CDKL4: variants seen among roughly 807,000 people sequenced by gnomAD.
CDKL4 encodes the protein cyclin dependent kinase like 4.
A neutral mutation model predicts 42.0 loss-of-function variants in CDKL4; 44 were observed. That is an observed-to-expected ratio of 1.05 (90% CI 0.82 to 1.35). The LOEUF (loss-of-function observed/expected upper bound fraction) is 1.35, where lower values mean the gene tolerates loss of function less well. Among genes scored for constraint, CDKL4 ranks in the 40% most tolerant of loss-of-function variants. The pLI is 0.00. For synonymous variants in CDKL4, 120 were observed against 121.6 expected, an observed-to-expected ratio of 0.99 and a Z score of 0.09; for missense variants, 393 against 369.9, an observed-to-expected ratio of 1.06 and a Z score of -0.51.
the CDKL4 span, among the ~76,000 whole-genome samples, chr2:39,169,532 TG>T: frequency 6.6e-6 from 1 of 152,260 alleles, no homozygotes; most frequent in African/African-American, 2.4e-5. Flanking sequence ...GAAAGCCTCT[TG>T]TAGTGGGAGA....
intron 9 of CDKL4, chr2:39,178,895 A>T: frequency 6.8e-7 from 1 of 1,461,838 alleles, no homozygotes; most frequent in Middle Eastern, 2.5e-4. Flanking sequence ...TGAAGTTGTT[A>T]TATTATGGGT....
Position 39,179,420 on chromosome 2 carries a change from A to G in CDKL4, c.793-99T>C, listed in dbSNP as rs1487185468. ...AACTTGCTAGGATAAATATGAGTTT[A>G]GAAAATCTTCCAGTTTGTGTATTAT... On this transcript the variant is annotated intron_variant, in intron 8 of 9. Coordinates refer to ENST00000451199, the Ensembl canonical transcript of CDKL4. The G allele has an allele frequency of 4.1e-5, 42 of 1,019,766 alleles. 1 individual carries two copies. In the East Asian group the frequency reaches 9.9e-4, roughly 24 times the overall value. The allele number at this position is 1,019,766 out of a possible 1,614,324, so 63.2% of individuals were successfully genotyped here. A position where few individuals can be genotyped will look rare whatever the true frequency, so the allele number is the denominator to read the frequency against.
At chr2:39,174,138 C>T (rs1293355901), downstream of CDKL4, among the ~76,000 whole-genome samples, 1 of 152,000 alleles carries the variant, frequency 6.6e-6, no homozygotes, top group Non-Finnish European at 1.5e-5. Context: ...GGCGTGTTGG[C>T]GCACTCCCGT....
At chr2:39,180,623 G>A (rs1375069902) in intron 8 of CDKL4, among the ~76,000 whole-genome samples, 1 of 151,908 alleles carries the variant, frequency 6.6e-6, no homozygotes, top group Non-Finnish European at 1.5e-5. Flanking sequence ...AACTCCAGCT[G>A]CTGCTGGAAA....
Position 39,201,331 on chromosome 2 carries a change from C to CA in CDKL4, c.454+3195dup, listed in dbSNP as rs1676832724. ...AAAAAAAAAAAACTACAGATGTTGGCATGGATGTGGTGAAAAGGGAACACT... is the reference window on the plus strand; with the variant it reads ...AAAAAAAAAAAACTACAGATGTTGGCAATGGATGTGGTGAAAAGGGAACACT... On this transcript the variant is annotated intron_variant, in intron 5 of 9. Coordinates refer to ENST00000451199, the Ensembl canonical transcript of CDKL4. 2.0e-5 allele frequency among the ~76,000 whole-genome samples: 3 copies of CA among 149,336 alleles called. No individual in the cohort carries two copies. In the South Asian group the frequency reaches 6.4e-4, roughly 32 times the overall value.
At chr2:39,225,921 A>G (rs1294980649) in exon 3 of CDKL4, 1 of 1,611,706 alleles carries the variant, frequency 6.2e-7, no homozygotes, top group South Asian at 1.1e-5. Flanking sequence ...TTTCTCCTGA[A>G]CACCTCGATG....
chr2:39,193,246 C>A lies in CDKL4; in HGVS notation c.455-2744G>T, dbSNP rs1456954848. Among the ~76,000 whole-genome samples, 4 of 143,500 alleles carry A rather than the reference C, an allele frequency of 2.8e-5. No individual in the cohort carries two copies. In the East Asian group the frequency reaches 8.0e-4, roughly 29 times the overall value. 94.1% of individuals were successfully genotyped at this position (143,500 alleles called of 152,430 possible). Reference sequence around the variant, plus strand: ...CCTAGATATTCGAGACCAGCCTGGGCAGAATGGCGAAATCTCTCTCTGTTA... The same window carrying A: ...CCTAGATATTCGAGACCAGCCTGGGAAGAATGGCGAAATCTCTCTCTGTTA... On this transcript the variant is annotated intron_variant, in intron 5 of 9. Coordinates refer to ENST00000451199, the Ensembl canonical transcript of CDKL4.
intron 1 of CDKL4, among the ~76,000 whole-genome samples, chr2:39,234,441 T>C (rs1456998790): frequency 1.3e-5 from 2 of 151,704 alleles, no homozygotes; most frequent in African/African-American, 4.8e-5. Context: ...GAAAAAAAGG[T>C]AAAAGTTTAG....
chr2:39,193,128 T>TAAA (rs747083150), intron 5 of CDKL4, among the ~76,000 whole-genome samples: 1 of 83,492 alleles, frequency 1.2e-5, no homozygotes, highest in African/African-American at 4.6e-5. Flanking sequence ...ACTCCATCTC[T>TAAA]AAAAAAAAAA....
intron 5 of CDKL4, among the ~76,000 whole-genome samples, chr2:39,198,260 TAA>T (rs55994878): frequency 6.8e-6 from 1 of 146,592 alleles, no homozygotes; most frequent in African/African-American, 2.5e-5. Flanking sequence ...TATATAATGA[TAA>T]AAAAAAAAAA....
At chr2:39,207,197 G>A (rs573389155) in intron 4 of CDKL4, among the ~76,000 whole-genome samples, 7 of 152,044 alleles carry the variant, frequency 4.6e-5, no homozygotes, top group African/African-American at 9.7e-5. Context: ...ACCAGCCTGG[G>A]CCCAATGGTG....
At chr2:39,230,305 T>C (rs181771037) in intron 1 of CDKL4, among the ~76,000 whole-genome samples, 238 of 152,350 alleles carry the variant, frequency 1.6e-3, no homozygotes, top group Non-Finnish European at 2.6e-3. Context: ...GATTGTGCCA[T>C]TGCACTCCAG....
rs563060533 is a variant in CDKL4, at chr2:39,202,831, T to C, written c.454+1696A>G. ...ACATAATGGGACCCCCTCCTTTGCC[T>C]TTCTCATTATAAATGGCCAACAATG... On this transcript the variant is annotated intron_variant, in intron 5 of 9. Transcript: ENST00000451199. Among the ~76,000 whole-genome samples the C allele has an allele frequency of 2.0e-5, 3 of 152,286 alleles. No homozygotes were observed. In the South Asian group the frequency reaches 6.2e-4, roughly 32 times the overall value.
chr2:39,170,760 G>T (rs935989671), downstream of CDKL4, among the ~76,000 whole-genome samples: 1 of 151,866 alleles, frequency 6.6e-6, no homozygotes, highest in Non-Finnish European at 1.5e-5. Context: ...TGGTCCCCCA[G>T]TTTTTTAAGG....
chr2:39,228,938 G>GGGTGC (rs1678925127), intron 2 of CDKL4, among the ~76,000 whole-genome samples: 1 of 152,174 alleles, frequency 6.6e-6, no homozygotes. Context: ...TAAGAACCTG[G>GGGTGC]GGTGCAGTGC....
the CDKL4 span, among the ~76,000 whole-genome samples, chr2:39,168,948 G>T: frequency 6.6e-6 from 1 of 152,026 alleles, no homozygotes; most frequent in Non-Finnish European, 1.5e-5. Context: ...GTAAAGACGG[G>T]GTTTCACCAT....
At chr2:39,234,845 A>C (rs1286134724) in intron 1 of CDKL4, among the ~76,000 whole-genome samples, 1 of 152,178 alleles carries the variant, frequency 6.6e-6, no homozygotes, top group African/African-American at 2.4e-5. Context: ...TATTCAGCCA[A>C]GGTGTGTCCT....
In CDKL4 at chr2:39,196,327, A is replaced by G. The variant is rs867684196; in HGVS notation, c.455-5825T>C. Among the ~76,000 whole-genome samples the G allele has an allele frequency of 2.0e-5, 3 of 152,336 alleles. No homozygotes were observed. The South Asian group carries it at 6.2e-4, about 32-fold the overall frequency. On this transcript the variant is annotated intron_variant, in intron 5 of 9. Coordinates refer to ENST00000451199, the Ensembl canonical transcript of CDKL4. ...GTATCCATAGCTGAAAGATCTGACA[A>G]TGGATCACATCACGGGACTCTTTGC... is the stretch of plus-strand genomic sequence containing the variant.
At chr2:39,213,282 T>C (rs1295299261) in intron 4 of CDKL4, 118 bp downstream of exon 4, 1 of 644,822 alleles carries the variant, frequency 1.6e-6, no homozygotes, top group African/African-American at 1.8e-5. Context: ...CCTTTTGTTT[T>C]GCTTCTTTGG....
Sources: allele counts gnomAD v4.1 joint callset (sites outside exome capture counted in the v4.1 genomes callset), GRCh38; gene constraint gnomAD v4.1.1; transcripts MANE v1.5; gene names NCBI Gene and HGNC (gene_info 2026-07-23, HGNC 2026-07-21).